PRKCI: variants seen among roughly 807,000 people sequenced by gnomAD.
PRKCI encodes the protein protein kinase C iota type.
A neutral mutation model predicts 84.0 loss-of-function variants in PRKCI; 43 were observed. The observed-to-expected ratio is 0.51, with a 90% CI of 0.40 to 0.66. The LOEUF (loss-of-function observed/expected upper bound fraction) is 0.66. PRKCI is among the 30% of genes least tolerant of loss of function. The probability of loss-of-function intolerance (pLI) is 0.00; values close to 1 mark genes in which losing one functional copy is unlikely to be tolerated. For missense variants in PRKCI, 459 were observed against 745.6 expected (o/e 0.62, Z 4.48); for synonymous variants, 216 against 234.4 (o/e 0.92, Z 0.72).
chr3:170,264,266 G>T (rs1212191073), intron 4 of PRKCI, among the ~76,000 whole-genome samples: 8 of 150,244 alleles, frequency 5.3e-5, no homozygotes, highest in African/African-American at 1.7e-4. Flanking sequence ...TACTTAAACA[G>T]GTATTAAGTC....
intron 17 of PRKCI, among the ~76,000 whole-genome samples, chr3:170,299,857 A>G (rs1406548140): frequency 6.6e-6 from 1 of 152,222 alleles, no homozygotes; most frequent in Non-Finnish European, 1.5e-5. Context: ...GCCTTAAGAT[A>G]GATTCCTAGA....
intron 16 of PRKCI, among the ~76,000 whole-genome samples, chr3:170,297,643 G>A (rs951735143): frequency 1.3e-5 from 2 of 151,400 alleles, no homozygotes; most frequent in African/African-American, 4.9e-5. Flanking sequence ...GTAGAGATGG[G>A]GGGGGTTTCA....
intron 5 of PRKCI, among the ~76,000 whole-genome samples, chr3:170,268,912 AT>A (rs66483603): frequency 0.079 from 12,007 of 151,610 alleles, 1,118 homozygotes; most frequent in African/African-American, 0.23. Context: ...TTTATTATTT[AT>A]TTATTTTTTT....
chr3:170,244,737 TG>T (rs1374569620), intron 2 of PRKCI: 2 of 152,108 alleles, frequency 1.3e-5, no homozygotes, highest in African/African-American at 4.8e-5. Context: ...CACCCCCCAA[TG>T]GGGTTCGGAA....
At chr3:170,273,159 A>C (rs967882851) in intron 6 of PRKCI, 127 bp from the exon 7 acceptor site, 2 of 729,610 alleles carry the variant, frequency 2.7e-6, no homozygotes, top group Non-Finnish European at 4.5e-6. Context: ...AATTAAAAGT[A>C]AATTCTCACT....
intron 2 of PRKCI, among the ~76,000 whole-genome samples, chr3:170,235,699 G>A (rs1345482888): frequency 1.3e-5 from 2 of 151,718 alleles, no homozygotes. Flanking sequence ...CCAAGTAGCT[G>A]GGACTACAAG....
chr3:170,303,230 C>T lies in PRKCI; in HGVS notation c.*103C>T, dbSNP rs749748914. On this transcript the variant is annotated 3_prime_UTR_variant, in exon 18 of 18. Transcript: ENST00000295797. ...TTAACCATTTTATATTTGCCACCTA[C>T]AAAAAAACACCCAATATCTTCTCTT... The T allele has an allele frequency of 7.1e-5, 50 of 701,034 alleles. No individual in the cohort carries two copies. Among genetic ancestry groups the T allele is most frequent in the Non-Finnish European group, 1.0e-4 (44 of 437,352 alleles). 43.4% of individuals were successfully genotyped at this position (701,034 alleles called of 1,614,324 possible). A position where few individuals can be genotyped will look rare whatever the true frequency, so the allele number is the denominator to read the frequency against.
intron 12 of PRKCI, 67 bp from the exon 13 acceptor site, chr3:170,291,787 A>C (rs1250453844): frequency 7.9e-7 from 1 of 1,261,024 alleles, no homozygotes; most frequent in East Asian, 2.3e-5. Flanking sequence ...GATAGGTGAA[A>C]TAGAAAGGGT....
chr3:170,293,238 T>A lies in PRKCI; in HGVS notation c.1292-145T>A, dbSNP rs1734606504. ...GTTGATAAATGAAGCATTTCTATAA[T>A]CTTCAGTGCCTACCATGATAGTTGG... On this transcript the variant is annotated intron_variant, in intron 13 of 17. Coordinates refer to ENST00000295797, the MANE Select transcript of PRKCI (RefSeq NM_002740.6). 5 of 620,484 alleles carry A rather than the reference T, an allele frequency of 8.1e-6. No individual in the cohort carries two copies. The Middle Eastern group carries it at 1.4e-3, about 178-fold the overall frequency. 38.4% of individuals were successfully genotyped at this position (620,484 alleles called of 1,614,324 possible).
intron 11 of PRKCI, among the ~76,000 whole-genome samples, chr3:170,282,930 C>A (rs1428838250): frequency 6.6e-6 from 1 of 151,768 alleles, no homozygotes; most frequent in Non-Finnish European, 1.5e-5. Flanking sequence ...CATGGTGAAA[C>A]CCCATCTCTA....
intron 1 of PRKCI, among the ~76,000 whole-genome samples, chr3:170,228,619 A>ACC (rs1267963736): frequency 4.1e-5 from 4 of 96,428 alleles, no homozygotes; most frequent in African/African-American, 1.2e-4. Context: ...ATATATATAC[A>ACC]CACACACACA....
chr3:170,254,676 G>A (rs1191092305), intron 2 of PRKCI, among the ~76,000 whole-genome samples: 2 of 152,008 alleles, frequency 1.3e-5, no homozygotes, highest in Non-Finnish European at 2.9e-5. Flanking sequence ...CTGTTCCATC[G>A]GTTTATGTGT....
At chr3:170,287,787 G>T (rs1734431168) in intron 12 of PRKCI, among the ~76,000 whole-genome samples, 2 of 151,438 alleles carry the variant, frequency 1.3e-5, no homozygotes, top group Non-Finnish European at 2.9e-5. Context: ...TGGCACACCT[G>T]TGGTCCCAGC....
intron 11 of PRKCI, among the ~76,000 whole-genome samples, chr3:170,282,406 G>A (rs1734270208): frequency 6.6e-6 from 1 of 151,896 alleles, no homozygotes; most frequent in Admixed American, 6.6e-5. Context: ...GTAATTAAAC[G>A]ATCCCTCTGG....
In PRKCI at chr3:170,297,308, C is replaced by T. The variant is rs1577377456; in HGVS notation, c.1502C>T (p.Pro501Leu). ...SVLKSFLNKD[P>L]KERLGCHPQT... Reference sequence around the variant, plus strand: ...GAAACATTTCTTTCACCATAGGACCCTAAGGAACGATTGGGTTGTCATCCT... The same window carrying T: ...GAAACATTTCTTTCACCATAGGACCTTAAGGAACGATTGGGTTGTCATCCT... Residue 501 changes from proline (P) to leucine (L), a missense_variant, in exon 16 of 18, where the codon CCT (proline) becomes CTT (leucine). This residue lies in a region of PRKCI where 209 missense variants were observed against 425.9 expected (regional missense o/e 0.49). Transcript: ENST00000295797. The T allele has an allele frequency of 1.2e-6, 2 of 1,612,118 alleles. No homozygotes were observed. The highest frequency in any genetic ancestry group is 8.5e-7 in the Non-Finnish European group (1 of 1,178,288).
chr3:170,222,927 G>T (rs1030901637), intron 1 of PRKCI, among the ~76,000 whole-genome samples, 157 bp downstream of exon 1: 1 of 151,846 alleles, frequency 6.6e-6, no homozygotes, highest in African/African-American at 2.4e-5. Flanking sequence ...AGTGATAGGG[G>T]TGGGGGCGAA....
intron 11 of PRKCI, among the ~76,000 whole-genome samples, chr3:170,282,236 C>G (rs1734266090): frequency 6.6e-6 from 1 of 152,164 alleles, no homozygotes; most frequent in African/African-American, 2.4e-5. Context: ...AAAAGGCAAA[C>G]CTTTAGTCTG....
At chr3:170,231,033 C>T (rs1216887596) in intron 1 of PRKCI, among the ~76,000 whole-genome samples, 1 of 146,502 alleles carries the variant, frequency 6.8e-6, no homozygotes, top group East Asian at 2.0e-4. Flanking sequence ...GATCTTGGCT[C>T]ACTGCAACCT....
At chr3:170,291,771 TTATATGA>T (rs1330729578) in intron 12 of PRKCI, 76 bp from the exon 13 acceptor site, 3 of 1,055,838 alleles carry the variant, frequency 2.8e-6, no homozygotes, top group African/African-American at 3.2e-5. Context: ...GATGCTGAAC[TTATATGA>T]TAGGTGAAAT....
Sources: allele counts gnomAD v4.1 joint callset (sites outside exome capture counted in the v4.1 genomes callset), GRCh38; gene constraint gnomAD v4.1.1; regional missense constraint gnomAD v4.1.1; transcripts MANE v1.5; gene names NCBI Gene and HGNC (gene_info 2026-07-23, HGNC 2026-07-21).